Variants in PSTPIP1 observed in about 807,000 individuals in gnomAD.
PSTPIP1 encodes proline-serine-threonine phosphatase interacting protein 1.
In PSTPIP1, 66 loss-of-function variants were observed where a neutral mutation model predicts 69.6. That is an observed-to-expected ratio of 0.95 (90% confidence interval 0.78 to 1.16). PSTPIP1 has a LOEUF of 1.16. PSTPIP1 is among the 50% of genes most tolerant of loss of function. The pLI is 0.00. For missense variants in PSTPIP1, 603 were observed against 557.4 expected, an observed-to-expected ratio of 1.08 and a Z score of -0.82; for synonymous variants, 266 against 222.7, an observed-to-expected ratio of 1.19 and a Z score of -1.73.
intron 5 of PSTPIP1, among the ~76,000 whole-genome samples, chr15:77,026,452 A>T (rs1223608718): frequency 6.6e-6 from 1 of 152,208 alleles, no homozygotes; most frequent in South Asian, 2.1e-4. Flanking sequence ...CTTGAAGGGG[A>T]AGAAGCTGTA....
intron 1 of PSTPIP1, among the ~76,000 whole-genome samples, chr15:77,009,795 C>T (rs182495316): frequency 6.6e-6 from 1 of 152,184 alleles, no homozygotes; most frequent in Non-Finnish European, 1.5e-5. Context: ...AGAACCAGAA[C>T]CCAGTGCCTG....
chr15:77,037,088 T>G lies in PSTPIP1; in HGVS notation c.1163T>G (p.Val388Gly). 6.2e-7 allele frequency: 1 copy of G among 1,612,116 alleles called. No homozygotes were observed. Among genetic ancestry groups the G allele is most frequent in the Non-Finnish European group, 8.5e-7 (1 of 1,179,614 alleles). Residue 388 changes from valine to glycine, a missense_variant, in exon 15 of 15, where the codon GTG becomes GGG. Transcript: ENST00000558012. The stretch of plus-strand genomic sequence containing the variant: ...CTGTCCGCGGGAGACATCCTGGAGG[T>G]GATCCTGGAAGGGGAGGATGGCTGG... Reference protein sequence around the residue: ...LDLSAGDILEVILEGEDGWWT... With the variant: ...LDLSAGDILEGILEGEDGWWT...
chr15:77,032,591 G>A (rs1397998751), intron 11 of PSTPIP1, 197 bp downstream of exon 11: 4 of 638,950 alleles, frequency 6.3e-6, no homozygotes, highest in South Asian at 3.9e-5. Context: ...GGGCATGATG[G>A]CACTCAGAGG....
intron 1 of PSTPIP1, among the ~76,000 whole-genome samples, chr15:77,014,875 T>A (rs2076018706): frequency 6.6e-6 from 1 of 152,260 alleles, no homozygotes; most frequent in African/African-American, 2.4e-5. Flanking sequence ...CTCCTGGAGT[T>A]CTGGGATGCC....
chr15:76,997,890 A>G (rs1292744993), intron 1 of PSTPIP1, among the ~76,000 whole-genome samples: 1 of 152,190 alleles, frequency 6.6e-6, no homozygotes, highest in Non-Finnish European at 1.5e-5. Context: ...CCCCCACCCC[A>G]GCCCAAGGCA....
Position 77,030,401 on chromosome 15 carries a change from G to C in PSTPIP1, c.563-101G>C, listed in dbSNP as rs772189813. ...CTAGGGCAGGTCCCATGGGGGAGGCGGGGCTCCCAGTGGGAGGAGGCATCC... is the reference window on the plus strand; with the variant it reads ...CTAGGGCAGGTCCCATGGGGGAGGCCGGGCTCCCAGTGGGAGGAGGCATCC... On this transcript the variant is annotated intron_variant, in intron 8 of 14. Transcript: ENST00000558012. 4.8e-5 allele frequency: 59 copies of C among 1,240,452 alleles called. 2 individuals are homozygous for C. The Middle Eastern group carries it at 6.8e-4, about 14-fold the overall frequency. 76.8% of individuals were successfully genotyped at this position (1,240,452 alleles called of 1,614,324 possible). A position where few individuals can be genotyped will look rare whatever the true frequency, so the allele number is the denominator to read the frequency against.
intron 1 of PSTPIP1, 24 bp downstream of exon 1, chr15:76,995,633 C>T: frequency 6.2e-7 from 1 of 1,612,928 alleles, no homozygotes; most frequent in Non-Finnish European, 8.5e-7. Flanking sequence ...GTTGGGGGCA[C>T]TGAACAAGTG....
At position 77,008,896 on chromosome 15, in the gene PSTPIP1, G is replaced by C. The variant is rs190458949; in HGVS notation, c.37-9252G>C. Among the ~76,000 whole-genome samples, 179 of 152,302 alleles carry C rather than the reference G, an allele frequency of 1.2e-3. 1 individual carries two copies. The highest frequency in any genetic ancestry group is 2.4e-3 in the Admixed American group (36 of 15,304). ...ACATGTACACTGGCTGTGTTGGGCA[G>C]AGCAGGGCGATTTCCCAGACTCCAA... is the stretch of plus-strand genomic sequence containing the variant. On this transcript the variant is annotated intron_variant, in intron 1 of 14. Coordinates refer to ENST00000558012, the MANE Select transcript of PSTPIP1 (RefSeq NM_003978.5).
chr15:76,998,516 T>C (rs2075629576), intron 1 of PSTPIP1, among the ~76,000 whole-genome samples: 1 of 152,238 alleles, frequency 6.6e-6, no homozygotes, highest in Non-Finnish European at 1.5e-5. Flanking sequence ...ACAATTTTAA[T>C]GAGCTTGGTC....
At chr15:77,020,077 G>T (rs2076131070) in intron 3 of PSTPIP1, among the ~76,000 whole-genome samples, 1 of 152,194 alleles carries the variant, frequency 6.6e-6, no homozygotes. Context: ...AGGCTCAGGG[G>T]ATTGTGAGTC....
intron 14 of PSTPIP1, 88 bp from the exon 15 acceptor site, chr15:77,036,957 C>T: frequency 1.3e-6 from 2 of 1,535,174 alleles, no homozygotes; most frequent in Admixed American, 1.8e-5. Flanking sequence ...GCCGCATTTA[C>T]TGCTGGGTGG....
At chr15:77,000,768 T>C (rs937518400) in intron 1 of PSTPIP1, among the ~76,000 whole-genome samples, 4 of 152,216 alleles carry the variant, frequency 2.6e-5, no homozygotes, top group Admixed American at 6.5e-5. Flanking sequence ...TCTCAAACTC[T>C]TGGGCTCAAG....
intron 12 of PSTPIP1, 67 bp from the exon 13 acceptor site, chr15:77,035,440 AC>A (rs1486597675): frequency 1.3e-6 from 2 of 1,490,136 alleles, no homozygotes; most frequent in Non-Finnish European, 1.8e-6. Flanking sequence ...CCCTGTCTAA[AC>A]CCTCCCTCCT....
intron 1 of PSTPIP1, among the ~76,000 whole-genome samples, chr15:77,012,144 TCCA>T (rs2075949780): frequency 3.2e-5 from 4 of 123,116 alleles, no homozygotes; most frequent in South Asian, 2.9e-4. Flanking sequence ...CATCCATCCA[TCCA>T]TCCATCCATC....
chr15:77,037,367 T>G lies in PSTPIP1; in HGVS notation c.*191T>G. 1 of 690,270 alleles carries G rather than the reference T, an allele frequency of 1.4e-6. No homozygotes were observed. Among genetic ancestry groups the G allele is most frequent in the Non-Finnish European group, 2.3e-6 (1 of 443,810 alleles). 42.8% of individuals were successfully genotyped at this position (690,270 alleles called of 1,614,324 possible). A position where few individuals can be genotyped will look rare whatever the true frequency, so the allele number is the denominator to read the frequency against. On this transcript the variant is annotated 3_prime_UTR_variant, in exon 15 of 15. Transcript: ENST00000558012. ...CTGGGGTCCCGTTCTCTTTTTCTCC[T>G]GCTCCAGTGTCCGAGTGCTCAGTTC...
chr15:77,018,110 G>T (rs372953175), intron 1 of PSTPIP1, 38 bp from the exon 2 acceptor site: 2 of 1,548,274 alleles, frequency 1.3e-6, no homozygotes, highest in Non-Finnish European at 1.7e-6. Context: ...GTGTCGCCTG[G>T]TCGTGGCCCT....
chr15:77,020,469 C>T (rs1209820431), intron 3 of PSTPIP1, among the ~76,000 whole-genome samples: 1 of 152,154 alleles, frequency 6.6e-6, no homozygotes, highest in Non-Finnish European at 1.5e-5. Context: ...ACCCATGTGG[C>T]ATGAAGTACT....
rs954412163 is a variant in PSTPIP1 at position 77,034,134 on chromosome 15, G to A, written c.929+1182G>A. On this transcript the variant is annotated intron_variant, in intron 12 of 14. Coordinates refer to ENST00000558012, the MANE Select transcript of PSTPIP1 (RefSeq NM_003978.5). ...GGATGGGGCATCTAGAAGCCAGGCA[G>A]GACTGGGAAGAGGCGGGGGTCAGTG... 1.6e-4 allele frequency among the ~76,000 whole-genome samples: 24 copies of A among 152,158 alleles called. 1 individual carries two copies.
intron 1 of PSTPIP1, among the ~76,000 whole-genome samples, chr15:77,009,883 G>A (rs904028468): frequency 4.6e-5 from 7 of 152,222 alleles, no homozygotes; most frequent in Non-Finnish European, 8.8e-5. Context: ...CGTAGGTGGT[G>A]TGGGAGGGCA....
Sources: allele counts gnomAD v4.1 joint callset (sites outside exome capture counted in the v4.1 genomes callset), GRCh38; gene constraint gnomAD v4.1.1; transcripts MANE v1.5; gene names NCBI Gene and HGNC (gene_info 2026-07-23, HGNC 2026-07-21).